The following SLC2A13 variants were observed in gnomAD, a reference collection of about 807,000 sequenced individuals.
SLC2A13 encodes proton myo-inositol cotransporter.
Under a neutral mutation model 64.4 loss-of-function variants are expected in SLC2A13, and 32 were observed. The observed-to-expected ratio is 0.50, with a 90% CI of 0.37 to 0.67. The LOEUF is 0.67. Among genes scored for constraint, SLC2A13 ranks in the 30% least tolerant of loss-of-function variants. The pLI, the probability that SLC2A13 is intolerant of heterozygous loss-of-function variation, is 0.00. For missense variants in SLC2A13, 743 were observed against 829.2 expected, an observed-to-expected ratio of 0.90 and a Z score of 1.28; for synonymous variants, 338 against 327.1, an observed-to-expected ratio of 1.03 and a Z score of -0.36.
chr12:39,895,973 T>C (rs956021682), intron 4 of SLC2A13, among the ~76,000 whole-genome samples: 4 of 145,060 alleles, frequency 2.8e-5, no homozygotes, highest in African/African-American at 1.1e-4. Flanking sequence ...TACATGTGTA[T>C]ATGTATACAT....
chr12:39,976,779 G>A (rs1946767877), intron 3 of SLC2A13, among the ~76,000 whole-genome samples: 2 of 152,088 alleles, frequency 1.3e-5, no homozygotes, highest in Admixed American at 6.5e-5. Context: ...TTTTATATAA[G>A]ATGTTTTCAT....
At chr12:39,835,577 T>C (rs567746077) in intron 6 of SLC2A13, 11 of 152,252 alleles carry the variant, frequency 7.2e-5, no homozygotes, top group African/African-American at 2.6e-4. Context: ...TAATCCACAT[T>C]TAGTAAAGCT....
chr12:40,044,769 T>C (rs1359196638), intron 2 of SLC2A13, among the ~76,000 whole-genome samples: 1 of 152,214 alleles, frequency 6.6e-6, no homozygotes, highest in African/African-American at 2.4e-5. Context: ...ATAATGTTTC[T>C]ACAACATCAA....
intron 6 of SLC2A13, among the ~76,000 whole-genome samples, chr12:39,846,278 C>G (rs1392722711): frequency 1.3e-5 from 2 of 152,086 alleles, no homozygotes; most frequent in African/African-American, 4.8e-5. Context: ...TTACTGTCCA[C>G]TCCCAAAGGG....
chr12:39,809,297 G>T (rs1484412608), intron 7 of SLC2A13, among the ~76,000 whole-genome samples: 2 of 152,064 alleles, frequency 1.3e-5, no homozygotes, highest in Non-Finnish European at 1.5e-5. Context: ...ACATCACATT[G>T]TCTGGATTAC....
chr12:40,100,863 G>T (rs1939120276), intron 1 of SLC2A13, among the ~76,000 whole-genome samples: 1 of 151,100 alleles, frequency 6.6e-6, no homozygotes, highest in Non-Finnish European at 1.5e-5. Context: ...TACTCAGGAG[G>T]CTGAGGCAGG....
At position 39,871,931 on chromosome 12, in the gene SLC2A13, A is replaced by G; in HGVS notation, c.1065T>C (p.Ser355=). 1.2e-6 allele frequency: 2 copies of G among 1,609,300 alleles called. No individual in the cohort carries two copies. The highest frequency in any genetic ancestry group is 1.7e-6 in the Non-Finnish European group (2 of 1,178,016). Reference sequence around the variant, plus strand: ...TTGCAAGTCTATCATCTTCAACACCAGACATCTGCAGAATGGTTGCACTGT... The same window carrying G: ...TTGCAAGTCTATCATCTTCAACACCGGACATCTGCAGAATGGTTGCACTGT... ...MYYSATILQM[S]GVEDDRLAIW... Residue 355 remains serine, a synonymous_variant, in exon 5 of 10, where the codon TCT becomes TCC. Transcript: ENST00000280871.
At chr12:40,031,377 C>G (rs1565597607) in intron 2 of SLC2A13, among the ~76,000 whole-genome samples, 1 of 152,190 alleles carries the variant, frequency 6.6e-6, no homozygotes, top group East Asian at 1.9e-4. Context: ...TGCGTGCCAC[C>G]ACGCCTGGCT....
At chr12:40,006,485 C>T (rs1947420839) in intron 3 of SLC2A13, among the ~76,000 whole-genome samples, 1 of 152,120 alleles carries the variant, frequency 6.6e-6, no homozygotes, top group Admixed American at 6.5e-5. Flanking sequence ...ATAACTGGCA[C>T]ATAGTTTATG....
intron 3 of SLC2A13, among the ~76,000 whole-genome samples, chr12:39,970,931 C>T (rs141122929): frequency 8.2e-4 from 125 of 152,150 alleles, no homozygotes; most frequent in African/African-American, 3.0e-3. Flanking sequence ...AATCATGTAA[C>T]GGACTGCATT....
intron 4 of SLC2A13, among the ~76,000 whole-genome samples, chr12:39,900,465 A>T (rs1945061501): frequency 2.0e-5 from 3 of 152,054 alleles, no homozygotes; most frequent in Admixed American, 2.0e-4. Context: ...AAATCTCCTT[A>T]AGCTGATAAG....
At chr12:39,842,277 C>T (rs142506476) in intron 6 of SLC2A13, among the ~76,000 whole-genome samples, 284 of 152,154 alleles carry the variant, frequency 1.9e-3, no homozygotes, top group African/African-American at 6.6e-3. Context: ...TGGTCTTTTC[C>T]GGTATCCTGG....
At chr12:40,043,002 T>C (rs927564457) in intron 2 of SLC2A13, among the ~76,000 whole-genome samples, 1 of 146,140 alleles carries the variant, frequency 6.8e-6, no homozygotes, top group Admixed American at 6.8e-5. Context: ...AAGCAAGATA[T>C]GGTTGGTTTA....
intron 2 of SLC2A13, among the ~76,000 whole-genome samples, chr12:40,042,472 C>T (rs1258211039): frequency 6.6e-6 from 1 of 152,070 alleles, no homozygotes; most frequent in African/African-American, 2.4e-5. Context: ...TTCATAGGCT[C>T]AGAAACTAAT....
chr12:39,785,283 G>C (rs941150762), intron 7 of SLC2A13, among the ~76,000 whole-genome samples: 1 of 152,164 alleles, frequency 6.6e-6, no homozygotes, highest in Non-Finnish European at 1.5e-5. Context: ...TGTCCCAGCT[G>C]CTCCAGCCAC....
intron 4 of SLC2A13, among the ~76,000 whole-genome samples, chr12:39,944,193 T>G (rs1382287664): frequency 6.6e-6 from 1 of 152,266 alleles, no homozygotes; most frequent in Non-Finnish European, 1.5e-5. Flanking sequence ...TTTATTCCAC[T>G]GTGATTTGAA....
At chr12:39,914,754 G>A (rs1000611795) in intron 4 of SLC2A13, among the ~76,000 whole-genome samples, 10 of 151,850 alleles carry the variant, frequency 6.6e-5, no homozygotes, top group African/African-American at 2.2e-4. Context: ...ATGGAAAAAC[G>A]GACTCGCTGT....
At chr12:39,877,369 C>T (rs1381171902) in intron 4 of SLC2A13, among the ~76,000 whole-genome samples, 1 of 152,144 alleles carries the variant, frequency 6.6e-6, no homozygotes, top group Non-Finnish European at 1.5e-5. Context: ...AAAAGACTTA[C>T]TCCTTATCAC....
intron 3 of SLC2A13, among the ~76,000 whole-genome samples, chr12:39,995,403 T>TCCCC (rs202141999): frequency 1.3e-5 from 2 of 152,070 alleles, no homozygotes; most frequent in African/African-American, 4.8e-5. Flanking sequence ...TCTTCTCATT[T>TCCCC]CCCCTCCCCG....
Sources: gnomAD v4.1 joint callset for allele counts (sites outside exome capture counted in the v4.1 genomes callset) on GRCh38, gnomAD v4.1.1 for gene constraint, MANE v1.5 for transcripts, NCBI Gene and HGNC (gene_info 2026-07-23, HGNC 2026-07-21) for gene names.